Variants in CRYM observed in about 807,000 individuals in gnomAD.
The protein encoded by CRYM is ketimine reductase mu-crystallin.
A neutral mutation model predicts 32.9 loss-of-function variants in CRYM; 18 were observed. That is an observed-to-expected ratio of 0.55 (90% CI 0.38 to 0.81). The LOEUF (loss-of-function observed/expected upper bound fraction) is 0.81, where lower values mean the gene tolerates loss of function less well. Ranked by LOEUF, CRYM falls within the 30% of genes least tolerant of loss-of-function variation. The pLI, the probability that CRYM is intolerant of heterozygous loss-of-function variation, is 0.00. For missense variants in CRYM, 337 were observed against 393.5 expected, an observed-to-expected ratio of 0.86 and a Z score of 1.21; for synonymous variants, 153 against 152.4, an observed-to-expected ratio of 1.00 and a Z score of -0.03.
intron 1 of CRYM, among the ~76,000 whole-genome samples, chr16:21,293,025 TAGAA>T (rs1297487591): frequency 7.2e-6 from 1 of 138,820 alleles, no homozygotes; most frequent in Non-Finnish European, 1.6e-5. Flanking sequence ...GGTAAGTAGA[TAGAA>T]GATAGATAGA....
In CRYM at chr16:21,258,782, T is replaced by C. The variant is rs956541600; in HGVS notation, c.944A>G (p.Ter315=). The C allele has an allele frequency of 1.2e-6, 2 of 1,613,656 alleles. No individual in the cohort carries two copies. Among genetic ancestry groups the C allele is most frequent in the Admixed American group, 1.7e-5 (1 of 60,026 alleles). The change falls in exon 8 of 8, where the codon TAA becomes TGA. Residue 315 remains the stop codon, a stop_retained_variant. Transcript: ENST00000572914. ...LIYDSWSSGK[*] is the part of the protein sequence containing the mutation. ...ATCTCAACATCAAGTTCCTTTGTTT[T>C]ATTTACCAGATGACCAGGAATCATA...
chr16:21,295,320 C>T (rs982372011), intron 1 of CRYM, among the ~76,000 whole-genome samples: 1 of 152,192 alleles, frequency 6.6e-6, no homozygotes, highest in African/African-American at 2.4e-5. Context: ...TTCTCCACAG[C>T]CTTGCCAGCA....
chr16:21,286,384 A>ATT (rs894297420), intron 1 of CRYM, among the ~76,000 whole-genome samples: 4 of 140,210 alleles, frequency 2.9e-5, no homozygotes, highest in South Asian at 2.4e-4. Flanking sequence ...CGCCCAGCTA[A>ATT]TTTTTTTTTT....
intron 3 of CRYM, among the ~76,000 whole-genome samples, chr16:21,270,951 GC>G (rs1454111420): frequency 6.6e-6 from 1 of 152,140 alleles, no homozygotes; most frequent in African/African-American, 2.4e-5. Flanking sequence ...AATGCACCAG[GC>G]CATAGCACTT....
Position 21,269,892 on chromosome 16 carries a change from CTA to C in CRYM, c.388-3_388-2del. 2 of 1,605,154 alleles carry C rather than the reference CTA, an allele frequency of 1.2e-6. No individual in the cohort carries two copies. The highest frequency in any genetic ancestry group is 8.5e-7 in the Non-Finnish European group (1 of 1,173,898). The stretch of plus-strand genomic sequence containing the variant: ...CTTCACTGCTGGGAGGTTTCAGAAA[CTA>C]TATGAGAGAAATGAAGTGGCAAAGG... On this transcript the variant is annotated splice_acceptor_variant and splice_polypyrimidine_tract_variant and intron_variant, in intron 3 of 7. Transcript: ENST00000572914. LOFTEE classifies it high-confidence loss of function.
upstream of CRYM, chr16:21,278,320 T>C: frequency 2.6e-6 from 4 of 1,527,334 alleles, no homozygotes; most frequent in Non-Finnish European, 2.6e-6. Context: ...GTGCCCTTTA[T>C]GAGCGCGCCC....
chr16:21,291,149 G>A (rs1023929430), intron 1 of CRYM, among the ~76,000 whole-genome samples: 2 of 152,098 alleles, frequency 1.3e-5, no homozygotes, highest in Non-Finnish European at 2.9e-5. Context: ...TTCATATAAA[G>A]CATGCTAACA....
chr16:21,301,621 G>A (rs985246940), intron 1 of CRYM, among the ~76,000 whole-genome samples: 1 of 152,208 alleles, frequency 6.6e-6, no homozygotes, highest in Non-Finnish European at 1.5e-5. Context: ...AAGAGGGACT[G>A]AGGAGGTTCT....
intron 1 of CRYM, chr16:21,300,401 G>A (rs927214224): frequency 2.0e-5 from 3 of 151,404 alleles, no homozygotes; most frequent in Admixed American, 6.6e-5. Flanking sequence ...AGAGCAATTT[G>A]ATTTAGAAGA....
chr16:21,259,466 G>C (rs1470903163), intron 7 of CRYM, among the ~76,000 whole-genome samples: 2 of 151,982 alleles, frequency 1.3e-5, no homozygotes, highest in East Asian at 1.9e-4. Flanking sequence ...TGGGCCACAG[G>C]GTCTCTATTA....
chr16:21,266,327 T>A (rs1227571351), intron 5 of CRYM, among the ~76,000 whole-genome samples: 1 of 152,236 alleles, frequency 6.6e-6, no homozygotes, highest in Non-Finnish European at 1.5e-5. Context: ...ATGATAATAG[T>A]TCCTGCCTCA....
At position 21,277,877 on chromosome 16, in the gene CRYM, C is replaced by T. The variant is rs758205977; in HGVS notation, c.170+205G>A. ...CAATCAAATGGTGGTATCAATACCT[C>T]CCTAGGTGGAGAGTGTGCTGAAATA... On this transcript the variant is annotated intron_variant, in intron 1 of 7. Transcript: ENST00000572914. This position sits in a 1 kb window ranked among gnomAD's most constrained non-coding sequence, Gnocchi z 4.2. 8.5e-5 allele frequency among the ~76,000 whole-genome samples: 13 copies of T among 152,164 alleles called. No homozygotes were observed. Among genetic ancestry groups the T allele is most frequent in the Non-Finnish European group, 1.9e-4 (13 of 68,026 alleles).
chr16:21,259,857 A>G (rs1331125322), intron 7 of CRYM, among the ~76,000 whole-genome samples: 1 of 152,230 alleles, frequency 6.6e-6, no homozygotes, highest in Admixed American at 6.5e-5. Flanking sequence ...CAATGCACCA[A>G]TAAACTGATC....
intron 1 of CRYM, among the ~76,000 whole-genome samples, chr16:21,288,996 T>G (rs1727266397): frequency 6.6e-6 from 1 of 152,202 alleles, no homozygotes; most frequent in Non-Finnish European, 1.5e-5. Flanking sequence ...TAAGACTTGT[T>G]TTGTGGCCTA....
chr16:21,272,816 ATTTTTT>A (rs60416570), intron 3 of CRYM, among the ~76,000 whole-genome samples: 2 of 42,314 alleles, frequency 4.7e-5, no homozygotes, highest in East Asian at 9.9e-4. Flanking sequence ...TGCCCAGCTA[ATTTTTT>A]TTTTTTTTTT....
Position 21,264,576 on chromosome 16 carries a change from G to A in CRYM, c.674-2418C>T, listed in dbSNP as rs80110093. 0.024 allele frequency among the ~76,000 whole-genome samples: 3,614 copies of A among 152,260 alleles called. 297 individuals are homozygous for A. In the East Asian group the frequency reaches 0.32, roughly 14 times the overall value. On this transcript the variant is annotated intron_variant, in intron 5 of 7. Transcript: ENST00000572914. ...CTGAGCTGTAAACTAAGTAAAATCT[G>A]TTGTTGGTATTTCCCTGTTGTCTGC...
intron 1 of CRYM, among the ~76,000 whole-genome samples, chr16:21,289,932 C>G (rs982477221): frequency 6.6e-6 from 1 of 151,884 alleles, no homozygotes; most frequent in African/African-American, 2.4e-5. Context: ...AATCAGCACT[C>G]TGTAAAATTG....
Position 21,278,084 on chromosome 16 carries a change from CCT to C in CRYM, c.166_167del (p.Arg56GlyfsTer44), listed in dbSNP as rs1567236000. 1 of 1,545,130 alleles carries C rather than the reference CCT, an allele frequency of 6.5e-7. No homozygotes were observed. Among genetic ancestry groups the C allele is most frequent in the Admixed American group, 2.0e-5 (1 of 50,986 alleles). ...TGACCCCGACCCTCCTCACTCACCCCCTGTGCTTGGTCACCGGCACCACGGTG... is the reference window on the plus strand; with the variant it reads ...TGACCCCGACCCTCCTCACTCACCCCGTGCTTGGTCACCGGCACCACGGTG... ...VRTVVPVTKH[R>X]GYLGVMPAYS... On this transcript the variant is annotated frameshift_variant, in exon 1 of 8. Transcript: ENST00000572914. LOFTEE classifies it high-confidence loss of function.
chr16:21,284,373 C>T (rs1241055521), intron 1 of CRYM, among the ~76,000 whole-genome samples: 2 of 151,958 alleles, frequency 1.3e-5, no homozygotes, highest in African/African-American at 4.8e-5. Context: ...GTGCACAGTT[C>T]CCTGACTTTT....
Sources: allele counts gnomAD v4.1 joint callset (sites outside exome capture counted in the v4.1 genomes callset), GRCh38; gene constraint gnomAD v4.1.1; non-coding constraint Gnocchi (gnomAD v3.1); transcripts MANE v1.5; gene names NCBI Gene and HGNC (gene_info 2026-07-23, HGNC 2026-07-21).